DLGAP2: variants seen among roughly 807,000 people sequenced by gnomAD.
DLGAP2 encodes disks large-associated protein 2.
In DLGAP2, 26 loss-of-function variants were observed where a neutral mutation model predicts 100.3. The ratio of observed to expected loss-of-function variants is 0.26; its 90% CI spans 0.19 to 0.36. The LOEUF (loss-of-function observed/expected upper bound fraction) is 0.36, where lower values mean the gene tolerates loss of function less well. Ranked by LOEUF, DLGAP2 falls within the 10% of genes least tolerant of loss-of-function variation. DLGAP2 has a pLI of 1.00. For missense variants in DLGAP2, 1,858 were observed against 1,453.2 expected (o/e 1.28, Z -4.53); for synonymous variants, 886 against 630.1 (o/e 1.41, Z -6.08).
At chr8:1,163,620 G>T (rs2129052930) in intron 2 of DLGAP2, among the ~76,000 whole-genome samples, 1 of 152,366 alleles carries the variant, frequency 6.6e-6, no homozygotes, top group East Asian at 1.9e-4. Context: ...CCCCGGAAGC[G>T]CAGGGCCCGG....
intron 3 of DLGAP2, among the ~76,000 whole-genome samples, chr8:1,416,933 C>G (rs1430349851): frequency 2.0e-5 from 3 of 152,164 alleles, no homozygotes; most frequent in Admixed American, 6.5e-5. Context: ...TTCCCGGAAA[C>G]AGATTTGCTT....
chr8:1,370,689 C>G (rs975675206), intron 3 of DLGAP2, among the ~76,000 whole-genome samples: 2 of 152,188 alleles, frequency 1.3e-5, no homozygotes, highest in South Asian at 4.1e-4. Flanking sequence ...TGGGATCACC[C>G]CAGACAACCG....
intron 3 of DLGAP2, chr8:1,379,679 C>G (rs563423057): frequency 1.3e-5 from 2 of 152,370 alleles, no homozygotes; most frequent in East Asian, 3.9e-4. Flanking sequence ...CTGGCAGGGA[C>G]CCCGCACTTA....
intron 3 of DLGAP2, among the ~76,000 whole-genome samples, chr8:1,285,503 G>T (rs1357105089): frequency 6.6e-6 from 1 of 152,180 alleles, no homozygotes; most frequent in Non-Finnish European, 1.5e-5. Flanking sequence ...GGATTCTGTT[G>T]TGCAGGTATC....
intron 3 of DLGAP2, among the ~76,000 whole-genome samples, chr8:1,452,391 C>G (rs555447089): frequency 1.3e-5 from 2 of 152,236 alleles, no homozygotes; most frequent in Non-Finnish European, 2.9e-5. Context: ...CGAGGCTATG[C>G]GTGCGACAGG....
chr8:1,698,683 GCATGGGACTAGGCAGGTCCACA>G (rs1317037462), intron 14 of DLGAP2, among the ~76,000 whole-genome samples: 119 of 152,176 alleles, frequency 7.8e-4, no homozygotes, highest in South Asian at 1.9e-3. Context: ...TGTAAGCCAT[GCATGGGACTAGGCAGGTCCACA>G]TAAGCCATGC....
intron 2 of DLGAP2, among the ~76,000 whole-genome samples, chr8:1,044,533 G>C (rs1249090039): frequency 6.6e-6 from 1 of 152,174 alleles, no homozygotes; most frequent in East Asian, 1.9e-4. Context: ...TGCCAGTTTG[G>C]GATCAGGAGT....
At chr8:1,267,799 C>T (rs1406527228) in intron 3 of DLGAP2, among the ~76,000 whole-genome samples, 2 of 151,892 alleles carry the variant, frequency 1.3e-5, no homozygotes, top group African/African-American at 4.8e-5. Flanking sequence ...GAATGTTTGT[C>T]CCACGCTGAG....
intron 2 of DLGAP2, among the ~76,000 whole-genome samples, chr8:1,128,581 C>A (rs959122662): frequency 6.6e-6 from 1 of 152,194 alleles, no homozygotes; most frequent in South Asian, 2.1e-4. Flanking sequence ...GCGGCAGGCT[C>A]AATCGCCGGG....
intron 2 of DLGAP2, among the ~76,000 whole-genome samples, chr8:1,064,211 C>T (rs1803175244): frequency 1.3e-5 from 2 of 152,150 alleles, no homozygotes; most frequent in South Asian, 2.1e-4. Flanking sequence ...ACAGTAAGTA[C>T]CTGCAAGTAA....
intron 6 of DLGAP2, among the ~76,000 whole-genome samples, chr8:1,588,599 G>A (rs1475281950): frequency 6.6e-6 from 1 of 152,102 alleles, no homozygotes; most frequent in Non-Finnish European, 1.5e-5. Context: ...TGTACAGACT[G>A]TTAAAACATT....
chr8:1,670,370 C>A (rs1263988811), intron 10 of DLGAP2, among the ~76,000 whole-genome samples: 1 of 152,234 alleles, frequency 6.6e-6, no homozygotes, highest in African/African-American at 2.4e-5. Context: ...TCCCAGCTCC[C>A]ACCCCTGGCA....
chr8:1,073,654 C>T (rs574842755), intron 2 of DLGAP2, among the ~76,000 whole-genome samples: 28 of 152,302 alleles, frequency 1.8e-4, no homozygotes, highest in Non-Finnish European at 2.5e-4. Context: ...CAAAGCCCTG[C>T]ACAGAGGAGC....
intron 2 of DLGAP2, among the ~76,000 whole-genome samples, chr8:922,964 G>A (rs1363299199): frequency 6.6e-6 from 1 of 152,194 alleles, no homozygotes; most frequent in Non-Finnish European, 1.5e-5. Flanking sequence ...CCAGGGCTGG[G>A]AATTGCAAGC....
intron 6 of DLGAP2, among the ~76,000 whole-genome samples, chr8:1,618,512 C>G (rs1797229212): frequency 6.6e-6 from 1 of 152,080 alleles, no homozygotes; most frequent in Admixed American, 6.6e-5. Context: ...CAATGTCATT[C>G]AAAGCAACCT....
In DLGAP2 at chr8:1,096,578, A is replaced by G. The variant is rs570520751; in HGVS notation, c.74-162273A>G. On this transcript the variant is annotated intron_variant, in intron 2 of 14. Coordinates refer to ENST00000637795, the MANE Select transcript of DLGAP2 (RefSeq NM_001346810.2). ...CTCAGGAGAGTCAAGCTGGGAGCCT[A>G]GGGCAGGCCTTCACCCTCTGTGGCA... is the stretch of plus-strand genomic sequence containing the variant. Among the ~76,000 whole-genome samples, 123 of 134,154 alleles carry G rather than the reference A, an allele frequency of 9.2e-4. No individual in the cohort carries two copies. In the South Asian group the frequency reaches 9.8e-3, roughly 11 times the overall value. The allele number at this position is 134,154 out of a possible 152,430, so 88.0% of individuals were successfully genotyped here. A position where few individuals can be genotyped will look rare whatever the true frequency, so the allele number is the denominator to read the frequency against.
chr8:986,036 G>A (rs887703144), intron 2 of DLGAP2, among the ~76,000 whole-genome samples: 1 of 152,084 alleles, frequency 6.6e-6, no homozygotes, highest in Non-Finnish European at 1.5e-5. Flanking sequence ...CCATTATTAG[G>A]GGGGAGTATG....
At chr8:1,307,792 C>T (rs947584047) in intron 3 of DLGAP2, among the ~76,000 whole-genome samples, 5 of 152,118 alleles carry the variant, frequency 3.3e-5, no homozygotes, top group African/African-American at 1.2e-4. Context: ...TGTGATTCCC[C>T]TCACATGAGG....
chr8:1,653,690 C>T (rs79565864), intron 8 of DLGAP2, among the ~76,000 whole-genome samples: 1 of 65,186 alleles, frequency 1.5e-5, no homozygotes, highest in Admixed American at 1.6e-4. Context: ...ACTGCAGGGG[C>T]GGACTCCTGT....
Sources: gnomAD v4.1 joint callset for allele counts (sites outside exome capture counted in the v4.1 genomes callset) on GRCh38, gnomAD v4.1.1 for gene constraint, MANE v1.5 for transcripts, NCBI Gene and HGNC (gene_info 2026-07-23, HGNC 2026-07-21) for gene names.